KAZN: variants seen among roughly 807,000 people sequenced by gnomAD.
The protein encoded by KAZN is kazrin.
In KAZN, 40 loss-of-function variants were observed where a neutral mutation model predicts 87.4. The ratio of observed to expected loss-of-function variants is 0.46; its 90% CI spans 0.36 to 0.60. KAZN has a LOEUF of 0.60. Among genes scored for constraint, KAZN ranks in the 20% least tolerant of loss-of-function variants. The pLI, the probability that KAZN is intolerant of heterozygous loss-of-function variation, is 0.00. For missense variants in KAZN, 898 were observed against 1,073.9 expected, an observed-to-expected ratio of 0.84 and a Z score of 2.29; for synonymous variants, 466 against 458.3, an observed-to-expected ratio of 1.02 and a Z score of -0.22.
intron 2 of KAZN, among the ~76,000 whole-genome samples, chr1:14,500,763 C>T (rs1287965733): frequency 2.0e-5 from 3 of 151,954 alleles, no homozygotes; most frequent in Non-Finnish European, 2.9e-5. Context: ...TACTACCTAC[C>T]TCATAAAATA....
At chr1:14,281,669 T>TG (rs1652845802) in intron 2 of KAZN, among the ~76,000 whole-genome samples, 1 of 152,222 alleles carries the variant, frequency 6.6e-6, no homozygotes, top group African/African-American at 2.4e-5. Flanking sequence ...TGGTATGTTC[T>TG]GGAGTCCTAT....
intron 2 of KAZN, among the ~76,000 whole-genome samples, chr1:14,491,698 G>T (rs1419013735): frequency 6.6e-6 from 1 of 152,052 alleles, no homozygotes; most frequent in Non-Finnish European, 1.5e-5. Flanking sequence ...AGTGGGTGTT[G>T]CATGTTATCT....
chr1:13,938,093 C>A (rs571664692), intron 1 of KAZN, among the ~76,000 whole-genome samples: 4 of 152,034 alleles, frequency 2.6e-5, no homozygotes, highest in African/African-American at 7.2e-5. Flanking sequence ...TAATAGAAAT[C>A]GCATTGAATC....
rs1392519071 is a variant in KAZN, at chr1:14,949,486, T to A, written c.227-11198T>A. On this transcript the variant is annotated intron_variant, in intron 1 of 14. Coordinates refer to ENST00000376030, the MANE Select transcript of KAZN (RefSeq NM_201628.3). The surrounding 1 kb of genome is among the most constrained non-coding windows in gnomAD (Gnocchi z 4.3). The stretch of plus-strand genomic sequence containing the variant: ...GAGCAGTCCTTGCTGCCACCAGCAG[T>A]CGGGAACCCAGCCACTCTGGTGGCA... 1.3e-5 allele frequency among the ~76,000 whole-genome samples: 2 copies of A among 152,084 alleles called. No homozygotes were observed. Among genetic ancestry groups the A allele is most frequent in the African/African-American group, 2.4e-5 (1 of 41,394 alleles).
At chr1:14,610,021 A>G (rs1202877488) in intron 1 of KAZN, among the ~76,000 whole-genome samples, 6 of 152,214 alleles carry the variant, frequency 3.9e-5, no homozygotes, top group African/African-American at 1.2e-4. Flanking sequence ...TAAGGCCTGG[A>G]TGGAGACACC....
At position 14,894,839 on chromosome 1, in the gene KAZN, C is replaced by A. The variant is rs572115673; in HGVS notation, c.227-65845C>A. On this transcript the variant is annotated intron_variant, in intron 1 of 14. Transcript: ENST00000376030. ...AAGGACGGGGAAATCAATTCAAAAT[C>A]TTCTGCATCTTTAATTTGGGCTGAA... 3.3e-5 allele frequency among the ~76,000 whole-genome samples: 5 copies of A among 152,372 alleles called. No individual in the cohort carries two copies. In the East Asian group the frequency reaches 9.6e-4, roughly 29 times the overall value.
intron 1 of KAZN, among the ~76,000 whole-genome samples, chr1:14,171,977 C>G (rs528355674): frequency 7.7e-6 from 1 of 130,256 alleles, no homozygotes; most frequent in South Asian, 2.5e-4. Flanking sequence ...TTTTTTTCCT[C>G]TGCCAACTCA....
At chr1:14,362,911 G>A (rs1190520685) in intron 2 of KAZN, among the ~76,000 whole-genome samples, 1 of 152,114 alleles carries the variant, frequency 6.6e-6, no homozygotes, top group African/African-American at 2.4e-5. Context: ...GAGAAACTGA[G>A]GCAGGAAGGG....
intron 2 of KAZN, among the ~76,000 whole-genome samples, chr1:14,566,456 G>T (rs1250498181): frequency 6.6e-6 from 1 of 152,188 alleles, no homozygotes; most frequent in African/African-American, 2.4e-5. Context: ...TATTCAGAAT[G>T]GAAATGAGCA....
intron 8 of KAZN, among the ~76,000 whole-genome samples, chr1:15,074,035 G>T (rs1391544416): frequency 6.6e-6 from 1 of 152,236 alleles, no homozygotes. Flanking sequence ...CCTGAGCCCG[G>T]CTCTGGACTC....
intron 14 of KAZN, 115 bp downstream of exon 14, chr1:15,112,656 C>G: frequency 2.9e-6 from 2 of 686,990 alleles, no homozygotes; most frequent in Non-Finnish European, 5.1e-6. Flanking sequence ...AGTGCCAGGC[C>G]GGGTCACGGG....
At chr1:14,832,196 C>CAA (rs559013790) in intron 1 of KAZN, among the ~76,000 whole-genome samples, 2 of 120,918 alleles carry the variant, frequency 1.7e-5, no homozygotes, top group African/African-American at 5.8e-5. Flanking sequence ...AACTCCATCT[C>CAA]AAAAAAAAAA....
intron 2 of KAZN, among the ~76,000 whole-genome samples, chr1:14,324,281 C>A (rs1206044232): frequency 6.6e-6 from 1 of 152,160 alleles, no homozygotes; most frequent in Admixed American, 6.5e-5. Flanking sequence ...TATGGCAGCA[C>A]CTAAATGAGG....
At chr1:14,066,996 TA>T (rs1643034147) in intron 1 of KAZN, among the ~76,000 whole-genome samples, 1 of 152,180 alleles carries the variant, frequency 6.6e-6, no homozygotes, top group Non-Finnish European at 1.5e-5. Context: ...TTGACTACCC[TA>T]TCTCAAGTAG....
chr1:14,831,785 C>T (rs2100880240), intron 1 of KAZN, among the ~76,000 whole-genome samples: 1 of 152,226 alleles, frequency 6.6e-6, no homozygotes, highest in Middle Eastern at 3.4e-3. Flanking sequence ...CCTGCTTGTC[C>T]TTCATTGCCT....
At chr1:14,687,077 C>T (rs375880764) in intron 1 of KAZN, among the ~76,000 whole-genome samples, 1 of 152,144 alleles carries the variant, frequency 6.6e-6, no homozygotes, top group African/African-American at 2.4e-5. Context: ...TGCACTTGCT[C>T]CCCTCTGAAT....
At chr1:14,075,881 T>C (rs1198815832) in intron 1 of KAZN, among the ~76,000 whole-genome samples, 1 of 152,142 alleles carries the variant, frequency 6.6e-6, no homozygotes. Flanking sequence ...CAAACTCATA[T>C]GGGAAAGTTC....
intron 1 of KAZN, among the ~76,000 whole-genome samples, chr1:14,126,249 CCCTAGGGGAAG>C (rs1156667828): frequency 1.3e-5 from 2 of 152,136 alleles, no homozygotes; most frequent in East Asian, 3.9e-4. Flanking sequence ...TTGTGGGTTT[CCCTAGGGGAAG>C]CAGCCAAAGA....
intron 1 of KAZN, among the ~76,000 whole-genome samples, chr1:14,600,675 A>G (rs200302729): frequency 1.5e-5 from 1 of 66,550 alleles, no homozygotes. Flanking sequence ...GCAAAAAAAA[A>G]AAAAAAAAAA....
Sources: gnomAD v4.1 joint callset for allele counts (sites outside exome capture counted in the v4.1 genomes callset) on GRCh38, gnomAD v4.1.1 for gene constraint, Gnocchi (gnomAD v3.1) non-coding constraint, MANE v1.5 for transcripts, NCBI Gene and HGNC (gene_info 2026-07-23, HGNC 2026-07-21) for gene names.